ZNF717: variants seen among roughly 807,000 people sequenced by gnomAD.
ZNF717 encodes krueppel-like factor X17.
In ZNF717, 9 loss-of-function variants were observed where a neutral mutation model predicts 13.8. That is an observed-to-expected ratio of 0.65 (90% CI 0.39 to 1.14). The LOEUF is 1.14. ZNF717 is among the 50% of genes most tolerant of loss of function. The probability of loss-of-function intolerance (pLI) is 0.01; values close to 1 mark genes in which losing one functional copy is unlikely to be tolerated. For missense variants in ZNF717, 1,040 were observed against 1,080.7 expected, an observed-to-expected ratio of 0.96 and a Z score of 0.53; for synonymous variants, 327 against 364.1, an observed-to-expected ratio of 0.90 and a Z score of 1.16.
chr3:75,737,782 G>A lies in ZNF717; in HGVS notation c.1841C>T (p.Thr614Ile), dbSNP rs796390112. The A allele has an allele frequency of 0.029, 44,823 of 1,547,616 alleles. 225 individuals are homozygous for A. Among genetic ancestry groups the A allele is most frequent in the South Asian group, 0.064 (5,392 of 83,608 alleles). Residue 614 changes from threonine (T) to isoleucine (I), a missense_variant, in exon 5 of 5, where the codon ACA (threonine) becomes ATA (isoleucine). This residue lies in a region of ZNF717 where 873 missense variants were observed against 832.8 expected (regional missense o/e 1.05). Transcript: ENST00000652011. ...LNLGIHKRTH[T>I]GERPYECNEC... ...ATTACATTCATAGGGTCTTTCCCCT[G>A]TGTGAGTTCTCTTGTGTATCCCAAG...
chr3:75,742,649 T>A (rs1437543811), intron 2 of ZNF717, among the ~76,000 whole-genome samples: 1 of 152,216 alleles, frequency 6.6e-6, no homozygotes, highest in East Asian at 1.9e-4. Context: ...CATGCCTAGA[T>A]GAATGATCCT....
At chr3:75,705,338 C>G (rs1937782923), downstream of ZNF717, among the ~76,000 whole-genome samples, 1 of 152,310 alleles carries the variant, frequency 6.6e-6, no homozygotes, top group Non-Finnish European at 1.5e-5. Context: ...ATACAGGCTT[C>G]TCTGATGCTT....
Position 75,737,989 on chromosome 3 carries a change from CTA to C in ZNF717, c.1632_1633del (p.Tyr544Ter), listed in dbSNP as rs1421255972. Reference sequence around the variant, plus strand: ...ATGTACTGTAAGGTATGACTTGTGGCTATATGTTTTTCCACATTCGTTACATG... The same window carrying C: ...ATGTACTGTAAGGTATGACTTGTGGCTATGTTTTTCCACATTCGTTACATG... On this transcript the variant is annotated stop_gained and frameshift_variant, in exon 5 of 5. Coordinates refer to ENST00000652011, the MANE Select transcript of ZNF717 (RefSeq NM_001290208.3). LOFTEE classifies it low-confidence loss of function (END_TRUNC). 41 of 1,343,840 alleles carry C rather than the reference CTA, an allele frequency of 3.1e-5. No homozygotes were observed. The highest frequency in any genetic ancestry group is 2.6e-4 in the East Asian group (8 of 31,160). The allele number at this position is 1,343,840 out of a possible 1,614,324, so 83.2% of individuals were successfully genotyped here.
chr3:75,717,616 T>C (rs75763420), intron 4 of ZNF717, among the ~76,000 whole-genome samples: 1 of 152,104 alleles, frequency 6.6e-6, no homozygotes, highest in African/African-American at 2.4e-5. Context: ...TGGAGATCAG[T>C]GTGAGTGCCG....
At chr3:75,696,809 C>T (rs147722816) in intron 6 of ZNF717, among the ~76,000 whole-genome samples, 15,791 of 111,630 alleles carry the variant, frequency 0.14, 1 homozygote, top group East Asian at 0.28. Flanking sequence ...AGGAGAATCA[C>T]TTGAACCCAG....
At chr3:75,774,147 T>G (rs1944116904) in intron 2 of ZNF717, among the ~76,000 whole-genome samples, 1 of 143,990 alleles carries the variant, frequency 6.9e-6, no homozygotes, top group African/African-American at 2.6e-5. Context: ...CAGGTAATAT[T>G]AAAAAATAAT....
In ZNF717 at chr3:75,738,015, T is replaced by G. The variant is rs73843010; in HGVS notation, c.1608A>C (p.Ala536=). The G allele has an allele frequency of 3.0e-6, 4 of 1,346,074 alleles. No individual in the cohort carries two copies. The highest frequency in any genetic ancestry group is 1.4e-5 in the African/African-American group (1 of 69,652). 83.4% of individuals were successfully genotyped at this position (1,346,074 alleles called of 1,614,324 possible). A position where few individuals can be genotyped will look rare whatever the true frequency, so the allele number is the denominator to read the frequency against. ...TATATGTTTTTCCACATTCGTTACA[T>G]GCGTATGGTTTTTCCCCAGCATGAG... is the stretch of plus-strand genomic sequence containing the variant. ...QRTHAGEKPY[A]CNECGKTYSH... The change falls in exon 5 of 5, where the codon GCA becomes GCC. Residue 536 remains alanine (A), a synonymous_variant. Transcript: ENST00000652011.
At chr3:75,699,706 A>G (rs1440707493) in intron 6 of ZNF717, among the ~76,000 whole-genome samples, 562 of 144,488 alleles carry the variant, frequency 3.9e-3, no homozygotes, top group African/African-American at 0.016. Context: ...TTTTCTTTAT[A>G]AATTAACCAG....
chr3:75,712,897 T>TATATG (rs1937970004), intron 5 of ZNF717, among the ~76,000 whole-genome samples: 1 of 151,396 alleles, frequency 6.6e-6, no homozygotes, highest in Non-Finnish European at 1.5e-5. Context: ...TCTTATACAT[T>TATATG]TTTTCTTATT....
chr3:75,751,963 A>T (rs1941867524), intron 2 of ZNF717, among the ~76,000 whole-genome samples: 1 of 151,922 alleles, frequency 6.6e-6, no homozygotes, highest in Non-Finnish European at 1.5e-5. Context: ...ATTCCAGAAC[A>T]CTGTTATGAG....
In ZNF717 at chr3:75,737,597, C is replaced by G. The variant is rs112332186; in HGVS notation, c.2026G>C (p.Asp676His). 5.9e-6 allele frequency: 9 copies of G among 1,531,404 alleles called. No homozygotes were observed. Among genetic ancestry groups the G allele is most frequent in the South Asian group, 1.2e-5 (1 of 83,316 alleles). 94.9% of individuals were successfully genotyped at this position (1,531,404 alleles called of 1,614,324 possible). A position where few individuals can be genotyped will look rare whatever the true frequency, so the allele number is the denominator to read the frequency against. Reference protein sequence around the residue: ...QRTHTGKNRMDVMNVEKLFVR... With the variant: ...QRTHTGKNRMHVMNVEKLFVR... ...AAAAGTTTTTCCACATTCATTACAT[C>G]CATACGGTTTTTCCCCGTGTGAGTT... Residue 676 changes from aspartate to histidine, a missense_variant, in exon 5 of 5, where the codon GAT becomes CAT. Physicochemically the swap from Asp to His is moderately conservative, Grantham distance 81. This residue lies in a region of ZNF717 where 873 missense variants were observed against 832.8 expected (regional missense o/e 1.05). Transcript: ENST00000652011.
chr3:75,780,057 T>A (rs1454772598), intron 2 of ZNF717, among the ~76,000 whole-genome samples: 1 of 135,260 alleles, frequency 7.4e-6, no homozygotes, highest in Non-Finnish European at 1.5e-5. Context: ...GCAATGGGAG[T>A]GACGTGCTAA....
At chr3:75,765,057 GTA>G (rs1195650002) in intron 2 of ZNF717, among the ~76,000 whole-genome samples, 42 of 85,850 alleles carry the variant, frequency 4.9e-4, no homozygotes, top group African/African-American at 1.2e-3. Flanking sequence ...GTGTGTGTGT[GTA>G]TATGTACAAA....
chr3:75,763,862 A>G (rs1274281617), intron 2 of ZNF717, among the ~76,000 whole-genome samples: 3 of 152,276 alleles, frequency 2.0e-5, no homozygotes, highest in Non-Finnish European at 4.4e-5. Flanking sequence ...TGATTTGAAG[A>G]GGATTTATTG....
chr3:75,730,590 A>G, exon 6 of ZNF717: 1 of 700,682 alleles, frequency 1.4e-6, no homozygotes, highest in Non-Finnish European at 2.6e-6. Flanking sequence ...TTGGGAATAC[A>G]GTTCCAGAGT....
At chr3:75,725,721 C>G (rs76840785), downstream of ZNF717, among the ~76,000 whole-genome samples, 2 of 143,246 alleles carry the variant, frequency 1.4e-5, no homozygotes, top group Admixed American at 1.4e-4. Flanking sequence ...GGGAACTTCC[C>G]TCCATACAAC....
intron 4 of ZNF717, among the ~76,000 whole-genome samples, chr3:75,720,663 G>T (rs1938149795): frequency 6.6e-6 from 1 of 152,208 alleles, no homozygotes; most frequent in Non-Finnish European, 1.5e-5. Flanking sequence ...TGTTTTATTA[G>T]TCTAAAACCT....
downstream of ZNF717, among the ~76,000 whole-genome samples, chr3:75,706,476 C>T (rs1311460970): frequency 1.3e-5 from 2 of 152,308 alleles, no homozygotes; most frequent in Admixed American, 1.3e-4. Context: ...CTTCTAGCTG[C>T]AGCCTTGTGC....
At position 75,740,618 on chromosome 3, in the gene ZNF717, G is replaced by A. The variant is rs1940276163; in HGVS notation, c.277+658C>T. 4.0e-5 allele frequency among the ~76,000 whole-genome samples: 6 copies of A among 148,262 alleles called. No homozygotes were observed. In the South Asian group the frequency reaches 1.3e-3, roughly 31 times the overall value. On this transcript the variant is annotated intron_variant, in intron 4 of 4. Transcript: ENST00000652011. ...GTGGTTGTCTACGAGGATCATTTAA[G>A]GCCAGAAGTTCGAGACCAGCCTGGG... is the stretch of plus-strand genomic sequence containing the variant.
Sources: allele counts gnomAD v4.1 joint callset (sites outside exome capture counted in the v4.1 genomes callset), GRCh38; gene constraint gnomAD v4.1.1; regional missense constraint gnomAD v4.1.1; transcripts MANE v1.5; gene names NCBI Gene and HGNC (gene_info 2026-07-23, HGNC 2026-07-21).